Variants in RAB11FIP3 observed in about 807,000 individuals in gnomAD.
RAB11FIP3 encodes rab11 family-interacting protein 3.
Under a neutral mutation model 77.8 loss-of-function variants are expected in RAB11FIP3, and 17 were observed. The ratio of observed to expected loss-of-function variants is 0.22; its 90% confidence interval spans 0.15 to 0.33. The LOEUF (loss-of-function observed/expected upper bound fraction) is 0.33. Among genes scored for constraint, RAB11FIP3 ranks in the 10% least tolerant of loss-of-function variants. RAB11FIP3 has a pLI of 1.00. For synonymous variants in RAB11FIP3, 437 were observed against 448.2 expected, an observed-to-expected ratio of 0.98 and a Z score of 0.31; for missense variants, 1,005 against 1,011.2, an observed-to-expected ratio of 0.99 and a Z score of 0.08.
At chr16:445,203 C>G (rs2055294191) in intron 1 of RAB11FIP3, among the ~76,000 whole-genome samples, 2 of 149,466 alleles carry the variant, frequency 1.3e-5, no homozygotes, top group South Asian at 4.2e-4. Context: ...GAGGCCAAGG[C>G]AGGCAGATCA....
At chr16:466,099 G>C (rs1004484929) in intron 2 of RAB11FIP3, among the ~76,000 whole-genome samples, 16 of 152,196 alleles carry the variant, frequency 1.1e-4, no homozygotes, top group African/African-American at 3.6e-4. Flanking sequence ...GGCTGTGCTG[G>C]TCTCGGCTTG....
Position 492,382 on chromosome 16 carries a change from GCCCAGAGCCC to G in RAB11FIP3, c.1265+3383_1265+3392del, listed in dbSNP as rs1567391904. 8.8e-4 allele frequency among the ~76,000 whole-genome samples: 127 copies of G among 144,296 alleles called. 2 individuals are homozygous for G. Among genetic ancestry groups the G allele is most frequent in the African/African-American group, 1.2e-3 (48 of 39,184 alleles). 94.7% of individuals were successfully genotyped at this position (144,296 alleles called of 152,430 possible). On this transcript the variant is annotated intron_variant, in intron 5 of 13. Coordinates refer to ENST00000262305, the MANE Select transcript of RAB11FIP3 (RefSeq NM_014700.4). ...GGGTCTTCCCGGGAGACCCGAGGCC[GCCCAGAGCCC>G]TCCCCGGGAGACCCGAGGCCGCCCA...
At chr16:442,717 A>G (rs1387913212) in intron 1 of RAB11FIP3, among the ~76,000 whole-genome samples, 9 of 152,140 alleles carry the variant, frequency 5.9e-5, no homozygotes, top group African/African-American at 9.7e-5. Context: ...CGTGGGCAGG[A>G]GCTGGAGCTC....
chr16:461,343 C>A lies in RAB11FIP3; in HGVS notation c.715-61C>A. On this transcript the variant is annotated intron_variant, in intron 1 of 13. Transcript: ENST00000262305. The surrounding 1 kb of genome is among the most constrained non-coding windows in gnomAD (Gnocchi z 4.5). ...ACCAGATCTCTCCCAGTCCGAGGTC[C>A]AGGGTTGGGGACCCCTGCTGTAAAG... is the stretch of plus-strand genomic sequence containing the variant. 1 of 1,395,926 alleles carries A rather than the reference C, an allele frequency of 7.2e-7. No individual in the cohort carries two copies. The highest frequency in any genetic ancestry group is 1.0e-6 in the Non-Finnish European group (1 of 999,434). 86.5% of individuals were successfully genotyped at this position (1,395,926 alleles called of 1,614,324 possible).
intron 2 of RAB11FIP3, among the ~76,000 whole-genome samples, chr16:465,346 A>G (rs117054153): frequency 0.026 from 3,940 of 152,286 alleles, 73 homozygotes; most frequent in East Asian, 0.058. Flanking sequence ...TACCACTTCC[A>G]TGAAAAACAA....
intron 5 of RAB11FIP3, among the ~76,000 whole-genome samples, chr16:493,618 T>G (rs947899514): frequency 2.0e-5 from 3 of 152,142 alleles, no homozygotes; most frequent in African/African-American, 7.2e-5. Context: ...TCTTTTTTCT[T>G]TTTTTTGAGA....
At chr16:437,999 G>C (rs2055160071) in intron 1 of RAB11FIP3, among the ~76,000 whole-genome samples, 1 of 152,096 alleles carries the variant, frequency 6.6e-6, no homozygotes, top group African/African-American at 2.4e-5. Flanking sequence ...TAGTAGAGAT[G>C]GGGTTTCACA....
At chr16:441,355 C>A (rs115654773) in intron 1 of RAB11FIP3, among the ~76,000 whole-genome samples, 1 of 152,154 alleles carries the variant, frequency 6.6e-6, no homozygotes, top group Non-Finnish European at 1.5e-5. Flanking sequence ...TTAAACAAAC[C>A]CATGCTCTAG....
intron 3 of RAB11FIP3, chr16:477,487 C>A: frequency 3.3e-6 from 1 of 304,810 alleles, no homozygotes; most frequent in Non-Finnish European, 4.8e-6. Flanking sequence ...CCTGCCCCGT[C>A]ATGCCTTCCC....
In RAB11FIP3 at chr16:461,552, C is replaced by G. The variant is rs572603708; in HGVS notation, c.808+55C>G. 7.0e-7 allele frequency: 1 copy of G among 1,422,586 alleles called. No individual in the cohort carries two copies. Among genetic ancestry groups the G allele is most frequent in the Non-Finnish European group, 9.9e-7 (1 of 1,008,902 alleles). The allele number at this position is 1,422,586 out of a possible 1,614,324, so 88.1% of individuals were successfully genotyped here. A position where few individuals can be genotyped will look rare whatever the true frequency, so the allele number is the denominator to read the frequency against. On this transcript the variant is annotated intron_variant, in intron 2 of 13. Transcript: ENST00000262305. This position sits in a 1 kb window ranked among gnomAD's most constrained non-coding sequence, Gnocchi z 4.5. ...TCCTCTCCCGTTCCTCAGCCACCCT[C>G]TCAGCCACCTGCACATCACCAGGCT...
chr16:491,468 C>T (rs1241738603), intron 5 of RAB11FIP3, among the ~76,000 whole-genome samples: 2 of 152,206 alleles, frequency 1.3e-5, no homozygotes, highest in Non-Finnish European at 1.5e-5. Flanking sequence ...CAGCCCAGGC[C>T]AGTGCTTGTC....
chr16:460,829 A>G (rs1191423192), intron 1 of RAB11FIP3, among the ~76,000 whole-genome samples: 2 of 152,176 alleles, frequency 1.3e-5, no homozygotes, highest in Non-Finnish European at 2.9e-5. Flanking sequence ...CCTGTGGTTC[A>G]TCACGCCAGG....
rs2032104384 is a variant in RAB11FIP3 at position 510,768 on chromosome 16, G to A, written c.1608G>A (p.Glu536=). The A allele has an allele frequency of 6.2e-7, 1 of 1,613,424 alleles. No individual in the cohort carries two copies. Among genetic ancestry groups the A allele is most frequent in the Non-Finnish European group, 8.5e-7 (1 of 1,179,838 alleles). ...AGCTCCTGTGCAAGATGGAGAGGGA[G>A]AAGAGCATTGAGATCGAGAACCTGC... The part of the protein sequence containing the change: ...QKELLCKMER[E]KSIEIENLQT... The change falls in exon 9 of 14, where the codon GAG becomes GAA. Residue 536 remains glutamate, a synonymous_variant. Coordinates refer to ENST00000262305, the MANE Select transcript of RAB11FIP3 (RefSeq NM_014700.4).
rs538066397 is a variant in RAB11FIP3, at chr16:463,582, G to T, written c.808+2085G>T. ...GCCTCCCGAGTACCTGGGATTACAG[G>T]CATGTGCCATTGCGCCCAGCTAATT... is the stretch of plus-strand genomic sequence containing the variant. On this transcript the variant is annotated intron_variant, in intron 2 of 13. Transcript: ENST00000262305. 1.4e-3 allele frequency among the ~76,000 whole-genome samples: 206 copies of T among 152,154 alleles called. 1 individual carries two copies. Among genetic ancestry groups the T allele is most frequent in the African/African-American group, 4.8e-3 (201 of 41,532 alleles).
chr16:487,599 G>A (rs1216236854), intron 4 of RAB11FIP3, among the ~76,000 whole-genome samples: 1 of 152,194 alleles, frequency 6.6e-6, no homozygotes, highest in Non-Finnish European at 1.5e-5. Context: ...TGGGCACGAG[G>A]AGTCGCCTCA....
At chr16:495,145 A>T (rs865998986) in intron 5 of RAB11FIP3, among the ~76,000 whole-genome samples, 2 of 152,220 alleles carry the variant, frequency 1.3e-5, no homozygotes, top group Admixed American at 6.5e-5. Context: ...CAAAAAATTT[A>T]AAAAATCATT....
At chr16:512,323 C>G (rs1411546768) in intron 9 of RAB11FIP3, among the ~76,000 whole-genome samples, 2 of 151,984 alleles carry the variant, frequency 1.3e-5, no homozygotes, top group Non-Finnish European at 2.9e-5. Context: ...TCACTGCAAG[C>G]TCTGCCTCCC....
At chr16:475,051 T>C (rs2055876425) in intron 3 of RAB11FIP3, 1 of 1,551,514 alleles carries the variant, frequency 6.4e-7, no homozygotes, top group Non-Finnish European at 8.7e-7. Context: ...TGAAGGTGTG[T>C]ACAGAGCCAG....
intron 5 of RAB11FIP3, chr16:491,158 G>A (rs1336767239): frequency 7.7e-7 from 1 of 1,303,480 alleles, no homozygotes; most frequent in East Asian, 5.6e-5. Context: ...CCGCAAAGCT[G>A]CACAGCATCC....
Sources: gnomAD v4.1 joint callset for allele counts (sites outside exome capture counted in the v4.1 genomes callset) on GRCh38, gnomAD v4.1.1 for gene constraint, Gnocchi (gnomAD v3.1) non-coding constraint, MANE v1.5 for transcripts, NCBI Gene and HGNC (gene_info 2026-07-23, HGNC 2026-07-21) for gene names.